Variants in ATP2B2 observed in about 807,000 individuals in gnomAD.
ATP2B2 encodes ATPase plasma membrane Ca2+ transporting 2, also known as plasma membrane calcium-transporting ATPase 2.
A neutral mutation model predicts 120.0 loss-of-function variants in ATP2B2; 15 were observed. The observed-to-expected ratio is 0.12, with a 90% CI of 0.08 to 0.19. The LOEUF (loss-of-function observed/expected upper bound fraction) is 0.19, where lower values mean the gene tolerates loss of function less well. ATP2B2 is among the 10% of genes least tolerant of loss of function. The pLI, the probability that ATP2B2 is intolerant of heterozygous loss-of-function variation, is 1.00. For synonymous variants in ATP2B2, 694 were observed against 700.3 expected, an observed-to-expected ratio of 0.99 and a Z score of 0.14; for missense variants, 1,045 against 1,719.8, an observed-to-expected ratio of 0.61 and a Z score of 6.94.
chr3:10,429,222 C>T, intron 2 of ATP2B2, among the ~76,000 whole-genome samples: 1 of 152,182 alleles, frequency 6.6e-6, no homozygotes, highest in South Asian at 2.1e-4. Context: ...GTCTTATTTC[C>T]TCCAGAGTCC....
At chr3:10,695,837 T>C (rs2071734359) in intron 1 of ATP2B2, among the ~76,000 whole-genome samples, 1 of 152,214 alleles carries the variant, frequency 6.6e-6, no homozygotes, top group South Asian at 2.1e-4. Context: ...CTAATAGTGA[T>C]ACAGCAGTGC....
intron 1 of ATP2B2, among the ~76,000 whole-genome samples, chr3:10,624,545 T>C (rs1489866178): frequency 6.6e-6 from 1 of 152,154 alleles, no homozygotes; most frequent in African/African-American, 2.4e-5. Flanking sequence ...GTGTGCTCAA[T>C]CAATGTTTTT....
At chr3:10,450,026 G>T (rs149175917) in intron 1 of ATP2B2, among the ~76,000 whole-genome samples, 164 bp from the exon 2 acceptor site, 2 of 151,950 alleles carry the variant, frequency 1.3e-5, no homozygotes, top group Non-Finnish European at 2.9e-5. Flanking sequence ...TGCTACTAGC[G>T]CCAACCCAGG....
intron 1 of ATP2B2, among the ~76,000 whole-genome samples, chr3:10,500,818 C>T (rs1054407911): frequency 5.3e-5 from 8 of 152,242 alleles, no homozygotes; most frequent in Non-Finnish European, 1.2e-4. Context: ...AGAAAACAAA[C>T]ACAACGGGCT....
intron 2 of ATP2B2, among the ~76,000 whole-genome samples, chr3:10,585,509 A>AAAAAAAAAC (rs1276679324): frequency 6.7e-6 from 1 of 149,634 alleles, no homozygotes. Flanking sequence ...AAAAAAAAAA[A>AAAAAAAAAC]AAAAAAAAGA....
At chr3:10,575,330 G>A (rs1277474256) in intron 2 of ATP2B2, among the ~76,000 whole-genome samples, 2 of 152,138 alleles carry the variant, frequency 1.3e-5, no homozygotes, top group Non-Finnish European at 2.9e-5. Flanking sequence ...GCCCCATTTT[G>A]CAGATGAGAA....
chr3:10,543,368 A>G (rs1281788175), intron 2 of ATP2B2, among the ~76,000 whole-genome samples: 2 of 152,216 alleles, frequency 1.3e-5, no homozygotes, highest in Non-Finnish European at 2.9e-5. Flanking sequence ...TTATCTGAAA[A>G]GGCTATTAAA....
At chr3:10,536,533 C>T (rs942251302) in intron 2 of ATP2B2, among the ~76,000 whole-genome samples, 1 of 151,420 alleles carries the variant, frequency 6.6e-6, no homozygotes, top group Non-Finnish European at 1.5e-5. Context: ...CTTCTTTCTT[C>T]TTCTTCTTTT....
intron 1 of ATP2B2, among the ~76,000 whole-genome samples, chr3:10,701,414 G>A (rs1435096398): frequency 4.6e-5 from 7 of 152,128 alleles, no homozygotes; most frequent in East Asian, 1.9e-4. Context: ...AGTTAATCAC[G>A]AGTTGACAGC....
At chr3:10,460,173 G>A (rs570628961) in intron 1 of ATP2B2, among the ~76,000 whole-genome samples, 4 of 152,312 alleles carry the variant, frequency 2.6e-5, no homozygotes, top group African/African-American at 9.6e-5. Context: ...GATAGCTGAG[G>A]TCAGGGAACC....
intron 1 of ATP2B2, among the ~76,000 whole-genome samples, chr3:10,472,498 G>C (rs1395807515): frequency 6.6e-6 from 1 of 152,210 alleles, no homozygotes; most frequent in African/African-American, 2.4e-5. Flanking sequence ...AGGCTTGCGG[G>C]GCTGTCCGCC....
intron 1 of ATP2B2, among the ~76,000 whole-genome samples, chr3:10,629,348 T>G (rs1278362263): frequency 1.3e-5 from 2 of 152,202 alleles, no homozygotes; most frequent in Non-Finnish European, 2.9e-5. Flanking sequence ...GATCTGGGTA[T>G]ATACATTATC....
At chr3:10,673,676 C>T (rs2071171435) in intron 1 of ATP2B2, among the ~76,000 whole-genome samples, 1 of 151,714 alleles carries the variant, frequency 6.6e-6, no homozygotes, top group Non-Finnish European at 1.5e-5. Context: ...GTGGCATGTA[C>T]CTGTAGCCCC....
chr3:10,399,324 G>A (rs72624422), intron 5 of ATP2B2, among the ~76,000 whole-genome samples: 13,474 of 152,152 alleles, frequency 0.089, 710 homozygotes, highest in East Asian at 0.27. Flanking sequence ...GTGAGACCCC[G>A]GGGGCTTTGC....
intron 1 of ATP2B2, among the ~76,000 whole-genome samples, chr3:10,466,766 T>C (rs2064760756): frequency 6.6e-6 from 1 of 152,204 alleles, no homozygotes; most frequent in African/African-American, 2.4e-5. Flanking sequence ...GTTCATTAGA[T>C]GCTTTTCAGT....
chr3:10,582,749 G>T (rs12106902), intron 2 of ATP2B2, among the ~76,000 whole-genome samples: 10,439 of 152,200 alleles, frequency 0.069, 615 homozygotes, highest in East Asian at 0.22. Context: ...TAAGAGAAGG[G>T]CAGGGCCCTG....
chr3:10,358,382 C>G (rs1008733262), intron 14 of ATP2B2, among the ~76,000 whole-genome samples: 5 of 152,352 alleles, frequency 3.3e-5, no homozygotes, highest in African/African-American at 1.2e-4. Context: ...GCCCCTACAC[C>G]TGTCCCTTGG....
In ATP2B2 at chr3:10,339,488, G is replaced by C. The variant is rs373192371; in HGVS notation, c.3237+754C>G. On this transcript the variant is annotated intron_variant, in intron 21 of 22. Coordinates refer to ENST00000360273, the MANE Select transcript of ATP2B2 (RefSeq NM_001001331.4). ...GTTCTGGGCCCTCCTCCCAAGCCCT[G>C]TGTCCTGGGTCAGGAGCCTTTGGGC... 2.1e-3 allele frequency among the ~76,000 whole-genome samples: 319 copies of C among 152,292 alleles called. 2 individuals are homozygous for C. Among genetic ancestry groups the C allele is most frequent in the African/African-American group, 6.9e-3 (288 of 41,552 alleles).
intron 1 of ATP2B2, among the ~76,000 whole-genome samples, chr3:10,667,652 T>C (rs1159692561): frequency 6.6e-6 from 1 of 152,178 alleles, no homozygotes; most frequent in Non-Finnish European, 1.5e-5. Flanking sequence ...TGAAGGTAAC[T>C]ATTCTACAGA....
Sources: gnomAD v4.1 joint callset for allele counts (sites outside exome capture counted in the v4.1 genomes callset) on GRCh38, gnomAD v4.1.1 for gene constraint, MANE v1.5 for transcripts, NCBI Gene and HGNC (gene_info 2026-07-23, HGNC 2026-07-21) for gene names.